The following AAK1 variants were observed in gnomAD, a reference collection of about 807,000 sequenced individuals.
AAK1 encodes the protein AP2 associated kinase 1.
AAK1 carries 37 observed loss-of-function variants against 116.0 expected under a neutral mutation model. The ratio of observed to expected loss-of-function variants is 0.32; its 90% confidence interval spans 0.25 to 0.42. The LOEUF (loss-of-function observed/expected upper bound fraction) is 0.42, where lower values mean the gene tolerates loss of function less well. AAK1 is among the 10% of genes least tolerant of loss of function. The probability of loss-of-function intolerance (pLI) is 1.00; values close to 1 mark genes in which losing one functional copy is unlikely to be tolerated. For synonymous variants in AAK1, 458 were observed against 439.9 expected (o/e 1.04, Z -0.51); for missense variants, 919 against 1,170.6 (o/e 0.79, Z 3.14).
At chr2:69,591,175 G>T (rs975157605) in intron 2 of AAK1, among the ~76,000 whole-genome samples, 6 of 152,130 alleles carry the variant, frequency 3.9e-5, no homozygotes, top group Non-Finnish European at 8.8e-5. Flanking sequence ...TAGAAATATG[G>T]AGATTTAGGC....
chr2:69,537,591 CAGGAAAAT>C (rs1427191547), intron 5 of AAK1, among the ~76,000 whole-genome samples: 1 of 152,170 alleles, frequency 6.6e-6, no homozygotes, highest in African/African-American at 2.4e-5. Context: ...CTCTGGAAAA[CAGGAAAAT>C]AGAGAACTCT....
intron 10 of AAK1, among the ~76,000 whole-genome samples, chr2:69,521,986 AT>A (rs1669805131): frequency 6.6e-6 from 1 of 152,230 alleles, no homozygotes; most frequent in Non-Finnish European, 1.5e-5. Context: ...ATAAACATCT[AT>A]CTTCTATACG....
chr2:69,594,157 A>G (rs1673157873), intron 2 of AAK1, among the ~76,000 whole-genome samples: 1 of 152,128 alleles, frequency 6.6e-6, no homozygotes, highest in South Asian at 2.1e-4. Flanking sequence ...AGGGGAGGGG[A>G]GGTAGTGGTA....
In AAK1 at chr2:69,459,983, G is replaced by A. The variant is rs941920244; in HGVS notation, c.*15886C>T. The A allele has an allele frequency of 6.6e-6, 1 of 152,166 alleles. No homozygotes were observed. The highest frequency in any genetic ancestry group is 2.4e-5 in the African/African-American group (1 of 41,526). 9.4% of individuals were successfully genotyped at this position (152,166 alleles called of 1,614,324 possible). A position where few individuals can be genotyped will look rare whatever the true frequency, so the allele number is the denominator to read the frequency against. ...TTCCATTTAAAGTTTCCAATTCCTC[G>A]TTTAGGTGGAGTTGGAACATTAGAA... On this transcript the variant is annotated 3_prime_UTR_variant, in exon 22 of 22. Coordinates refer to ENST00000409085, the MANE Select transcript of AAK1 (RefSeq NM_014911.5).
intron 2 of AAK1, among the ~76,000 whole-genome samples, chr2:69,561,354 G>A (rs1307400066): frequency 6.6e-6 from 1 of 152,122 alleles, no homozygotes; most frequent in Non-Finnish European, 1.5e-5. Context: ...CTTCCCTCAA[G>A]ATGAGTTTAC....
At chr2:69,531,812 C>T (rs1192961681) in intron 6 of AAK1, 2 of 1,253,632 alleles carry the variant, frequency 1.6e-6, no homozygotes, top group African/African-American at 3.1e-5. Context: ...CACAGGACCA[C>T]TGATAAAGTG....
At chr2:69,552,720 GA>G (rs532851491) in intron 3 of AAK1, among the ~76,000 whole-genome samples, 22 of 136,534 alleles carry the variant, frequency 1.6e-4, no homozygotes, top group South Asian at 2.3e-4. Flanking sequence ...TCTCAAAAAA[GA>G]AAAAAAAAAA....
chr2:69,640,859 T>C (rs1239945695), intron 2 of AAK1, among the ~76,000 whole-genome samples: 3 of 152,234 alleles, frequency 2.0e-5, no homozygotes, highest in Non-Finnish European at 4.4e-5. Context: ...TTTATCTCTA[T>C]GATGGCATTT....
intron 20 of AAK1, 187 bp downstream of exon 20, chr2:69,478,764 G>GGAAAAA: frequency 1.9e-6 from 1 of 525,990 alleles, no homozygotes. Context: ...GGTCGTCTAA[G>GGAAAAA]TCTTAGTAAA....
intron 3 of AAK1, among the ~76,000 whole-genome samples, chr2:69,547,466 T>C (rs1363674986): frequency 6.6e-6 from 1 of 152,150 alleles, no homozygotes; most frequent in African/African-American, 2.4e-5. Flanking sequence ...TGAATAGATA[T>C]TTTTCCAAAG....
chr2:69,589,952 C>T (rs1672958707), intron 2 of AAK1, among the ~76,000 whole-genome samples: 1 of 152,044 alleles, frequency 6.6e-6, no homozygotes, highest in Admixed American at 6.6e-5. Flanking sequence ...AAAAAGAGAA[C>T]ATGGTCCAAC....
At chr2:69,576,806 G>T (rs573885736) in intron 2 of AAK1, among the ~76,000 whole-genome samples, 1 of 152,128 alleles carries the variant, frequency 6.6e-6, no homozygotes, top group African/African-American at 2.4e-5. Flanking sequence ...GCTTCTACAA[G>T]ATCAAATAAA....
rs191763598 is a variant in AAK1 at position 69,599,262 on chromosome 2, A to G, written c.164-42284T>C. Among the ~76,000 whole-genome samples, 4 of 152,314 alleles carry G rather than the reference A, an allele frequency of 2.6e-5. No homozygotes were observed. In the East Asian group the frequency reaches 7.7e-4, roughly 29 times the overall value. On this transcript the variant is annotated intron_variant, in intron 2 of 21. Coordinates refer to ENST00000409085, the MANE Select transcript of AAK1 (RefSeq NM_014911.5). ...AATTTCTTAAAAGTGACAGTGAATT[A>G]TAAGCTCATTAGTCCATAATAAGAA...
intron 2 of AAK1, among the ~76,000 whole-genome samples, chr2:69,599,968 G>C (rs1299897531): frequency 6.9e-6 from 1 of 145,572 alleles, no homozygotes; most frequent in Non-Finnish European, 1.5e-5. Context: ...TTTTTGTAGA[G>C]ACAGAGTCTC....
At chr2:69,480,693 T>A (rs988449426) in intron 19 of AAK1, among the ~76,000 whole-genome samples, 167 bp downstream of exon 19, 1 of 151,740 alleles carries the variant, frequency 6.6e-6, no homozygotes, top group African/African-American at 2.4e-5. Context: ...AGGAAATATA[T>A]CACTCAACAT....
chr2:69,497,517 C>G (rs111258456), intron 16 of AAK1, among the ~76,000 whole-genome samples: 45,978 of 151,376 alleles, frequency 0.3, 9,712 homozygotes, highest in African/African-American at 0.59. Flanking sequence ...GGCCAGGCTG[C>G]TCTTGAACTC....
At chr2:69,590,930 A>C (rs1404281101) in intron 2 of AAK1, among the ~76,000 whole-genome samples, 1 of 152,248 alleles carries the variant, frequency 6.6e-6, no homozygotes, top group African/African-American at 2.4e-5. Flanking sequence ...GACATTGAGA[A>C]AAAATATAAG....
intron 2 of AAK1, among the ~76,000 whole-genome samples, chr2:69,606,387 G>A (rs916334646): frequency 3.9e-5 from 6 of 152,172 alleles, no homozygotes; most frequent in African/African-American, 1.4e-4. Context: ...CCTGGCACTT[G>A]CTGCACTTAG....
At position 69,530,138 on chromosome 2, in the gene AAK1, A is replaced by G. The variant is rs200989018; in HGVS notation, c.741T>C (p.Ala247=). The change falls in exon 8 of 22, where the codon GCT becomes GCC. Residue 247 remains alanine, a splice_region_variant and synonymous_variant. Transcript: ENST00000409085. ...ATAATTTATACAACAAACATCCAAG[A>G]GCCTAAAAAATAAAGATAGCAGATT... The part of the protein sequence containing the change: ...KIITTKADIW[A]LGCLLYKLCY... The G allele has an allele frequency of 4.4e-6, 7 of 1,605,618 alleles. No homozygotes were observed. Among genetic ancestry groups the G allele is most frequent in the Non-Finnish European group, 5.9e-6 (7 of 1,177,290 alleles).
Sources: allele counts gnomAD v4.1 joint callset (sites outside exome capture counted in the v4.1 genomes callset), GRCh38; gene constraint gnomAD v4.1.1; transcripts MANE v1.5; gene names NCBI Gene and HGNC (gene_info 2026-07-23, HGNC 2026-07-21).